The following CSMD1 variants were observed in gnomAD, a reference collection of about 807,000 sequenced individuals.
CSMD1 encodes CUB and sushi domain-containing protein 1.
In CSMD1, 213 loss-of-function variants were observed where a neutral mutation model predicts 417.5. The observed-to-expected ratio is 0.51, with a 90% CI of 0.46 to 0.57. The LOEUF (loss-of-function observed/expected upper bound fraction) is 0.57, where lower values mean the gene tolerates loss of function less well. CSMD1 is among the 20% of genes least tolerant of loss of function. The pLI is 0.00. For missense variants in CSMD1, 6,923 were observed against 4,529.7 expected (o/e 1.53, Z -15.17); for synonymous variants, 2,862 against 1,736.8 (o/e 1.65, Z -16.11).
At chr8:3,226,555 T>C (rs112881512) in intron 27 of CSMD1, among the ~76,000 whole-genome samples, 14,045 of 148,058 alleles carry the variant, frequency 0.095, 885 homozygotes, top group East Asian at 0.18. Context: ...GCACTCCAGC[T>C]TATGTGACAG....
At chr8:3,181,261 A>G (rs1227289379) in intron 36 of CSMD1, 47 bp from the exon 37 acceptor site, 2 of 1,258,274 alleles carry the variant, frequency 1.6e-6, no homozygotes, top group Non-Finnish European at 2.3e-6. Flanking sequence ...AAATACATTC[A>G]CTTTTCTAAA....
At chr8:4,270,554 C>A (rs1037383137) in intron 3 of CSMD1, among the ~76,000 whole-genome samples, 2 of 152,098 alleles carry the variant, frequency 1.3e-5, no homozygotes, top group East Asian at 1.9e-4. Flanking sequence ...ACAGCTTGAA[C>A]CCCATTATGT....
chr8:3,894,154 C>G (rs960870011), intron 5 of CSMD1, among the ~76,000 whole-genome samples: 1 of 152,196 alleles, frequency 6.6e-6, no homozygotes, highest in East Asian at 1.9e-4. Context: ...GCAAAAACTA[C>G]TCTATGCTAC....
chr8:3,642,453 C>A (rs921332505), intron 7 of CSMD1, among the ~76,000 whole-genome samples: 7 of 152,086 alleles, frequency 4.6e-5, no homozygotes, highest in Non-Finnish European at 1.0e-4. Flanking sequence ...CTCTAAAATT[C>A]AAGAGATATT....
At chr8:4,195,866 G>A (rs1421040432) in intron 3 of CSMD1, among the ~76,000 whole-genome samples, 4 of 152,200 alleles carry the variant, frequency 2.6e-5, no homozygotes, top group African/African-American at 7.2e-5. Context: ...CATAGCATGC[G>A]AGACTTACGG....
intron 6 of CSMD1, among the ~76,000 whole-genome samples, chr8:3,709,543 C>G (rs905307127): frequency 1.3e-5 from 2 of 152,002 alleles, no homozygotes; most frequent in Admixed American, 6.5e-5. Flanking sequence ...TCAGCTGACT[C>G]AGGAAAGAAG....
chr8:4,272,864 A>C (rs941288776), intron 3 of CSMD1, among the ~76,000 whole-genome samples: 5 of 152,182 alleles, frequency 3.3e-5, no homozygotes, highest in Non-Finnish European at 7.4e-5. Flanking sequence ...CACAGATAAA[A>C]CGATAGATAA....
chr8:4,169,931 G>C (rs915063706), intron 3 of CSMD1, among the ~76,000 whole-genome samples: 3 of 149,760 alleles, frequency 2.0e-5, no homozygotes, highest in East Asian at 1.9e-4. Context: ...ACGTAACTCA[G>C]AAGAGATTTT....
At chr8:3,839,234 T>C (rs1248442786) in intron 5 of CSMD1, among the ~76,000 whole-genome samples, 1 of 125,308 alleles carries the variant, frequency 8.0e-6, no homozygotes, top group African/African-American at 2.9e-5. Flanking sequence ...AATATATAAT[T>C]ATATATACTA....
chr8:3,293,031 A>C (rs545979315), intron 25 of CSMD1, among the ~76,000 whole-genome samples: 4 of 151,994 alleles, frequency 2.6e-5, no homozygotes, highest in African/African-American at 9.7e-5. Context: ...GGTGGTGACA[A>C]AATCTCTCAG....
At chr8:3,681,504 G>A (rs1585067097) in intron 7 of CSMD1, among the ~76,000 whole-genome samples, 2 of 152,096 alleles carry the variant, frequency 1.3e-5, no homozygotes, top group South Asian at 2.1e-4. Flanking sequence ...ACCTCTTCAA[G>A]GAGAATTACA....
intron 3 of CSMD1, among the ~76,000 whole-genome samples, chr8:4,234,935 C>T (rs570491617): frequency 6.6e-6 from 1 of 152,252 alleles, no homozygotes; most frequent in East Asian, 1.9e-4. Context: ...AACTGATGTG[C>T]TAATCTTGAT....
At chr8:4,991,485 G>C (rs1447280777) in intron 1 of CSMD1, among the ~76,000 whole-genome samples, 1 of 152,172 alleles carries the variant, frequency 6.6e-6, no homozygotes, top group Non-Finnish European at 1.5e-5. Flanking sequence ...AACAGGTCAC[G>C]AATTATGCCC....
At chr8:4,082,526 A>G (rs1585274963) in intron 3 of CSMD1, among the ~76,000 whole-genome samples, 1 of 152,280 alleles carries the variant, frequency 6.6e-6, no homozygotes, top group African/African-American at 2.4e-5. Flanking sequence ...AAATAAAACT[A>G]AAAGGAAACA....
intron 1 of CSMD1, among the ~76,000 whole-genome samples, chr8:4,853,316 G>C (rs547844958): frequency 2.0e-5 from 3 of 152,178 alleles, no homozygotes. Flanking sequence ...TCAGGGCTCT[G>C]AAGCCAGGAA....
At chr8:4,493,282 A>C (rs1396213588) in intron 2 of CSMD1, among the ~76,000 whole-genome samples, 7 of 152,240 alleles carry the variant, frequency 4.6e-5, no homozygotes, top group Admixed American at 4.6e-4. Flanking sequence ...CCTAAAAGTT[A>C]ATTTTAAAAT....
chr8:4,175,531 A>G (rs1398147126), intron 3 of CSMD1, among the ~76,000 whole-genome samples: 1 of 152,174 alleles, frequency 6.6e-6, no homozygotes, highest in Non-Finnish European at 1.5e-5. Context: ...AGCCCAATGG[A>G]TAAATGTAGA....
chr8:4,069,687 C>T (rs954229841), intron 3 of CSMD1, among the ~76,000 whole-genome samples: 1 of 152,146 alleles, frequency 6.6e-6, no homozygotes, highest in Admixed American at 6.5e-5. Flanking sequence ...ATTGCATTCT[C>T]ATGTTATACT....
intron 40 of CSMD1, among the ~76,000 whole-genome samples, chr8:3,151,058 C>A (rs1289702288): frequency 3.9e-5 from 6 of 151,996 alleles, no homozygotes; most frequent in Non-Finnish European, 8.8e-5. Context: ...GAAACAATAA[C>A]CATTATTGAC....
Sources: allele counts gnomAD v4.1 joint callset (sites outside exome capture counted in the v4.1 genomes callset), GRCh38; gene constraint gnomAD v4.1.1; transcripts MANE v1.5; gene names NCBI Gene and HGNC (gene_info 2026-07-23, HGNC 2026-07-21).